ASTN2: variants seen among roughly 807,000 people sequenced by gnomAD.
The protein encoded by ASTN2 is astrotactin-2.
ASTN2 carries 54 observed loss-of-function variants against 139.8 expected under a neutral mutation model. That is an observed-to-expected ratio of 0.39 (90% confidence interval 0.31 to 0.48). ASTN2 has a LOEUF of 0.48. Among genes scored for constraint, ASTN2 ranks in the 20% least tolerant of loss-of-function variants. The pLI, the probability that ASTN2 is intolerant of heterozygous loss-of-function variation, is 0.95. For synonymous variants in ASTN2, 756 were observed against 719.5 expected (o/e 1.05, Z -0.81); for missense variants, 1,565 against 1,725.1 (o/e 0.91, Z 1.64).
chr9:116,918,129 G>A (rs1834504048), intron 10 of ASTN2, among the ~76,000 whole-genome samples: 1 of 152,150 alleles, frequency 6.6e-6, no homozygotes, highest in African/African-American at 2.4e-5. Flanking sequence ...TGCCTCCCCA[G>A]CCATGTGGAA....
chr9:117,305,396 G>A (rs1262404654), intron 1 of ASTN2, among the ~76,000 whole-genome samples: 1 of 152,162 alleles, frequency 6.6e-6, no homozygotes, highest in Admixed American at 6.5e-5. Flanking sequence ...CTGAAACCAA[G>A]AGGCTCAACA....
At chr9:116,976,236 G>A in intron 8 of ASTN2, 48 bp from the exon 9 acceptor site, 2 of 1,539,322 alleles carry the variant, frequency 1.3e-6, no homozygotes, top group Non-Finnish European at 1.8e-6. Flanking sequence ...GTCAGAGGCA[G>A]GTAGAATTCA....
At chr9:116,737,467 A>ACG (rs1491491765) in intron 13 of ASTN2, among the ~76,000 whole-genome samples, 3 of 148,154 alleles carry the variant, frequency 2.0e-5, no homozygotes, top group Non-Finnish European at 4.5e-5. Flanking sequence ...GTGTGTGTGA[A>ACG]TGTGTGTGTG....
intron 22 of ASTN2, among the ~76,000 whole-genome samples, chr9:116,431,352 G>A (rs1167912367): frequency 1.3e-5 from 2 of 152,168 alleles, no homozygotes; most frequent in South Asian, 2.1e-4. Flanking sequence ...GAAGCTTAAT[G>A]AGAATTGAGG....
At chr9:116,676,681 C>T (rs2132005404) in intron 16 of ASTN2, among the ~76,000 whole-genome samples, 1 of 152,328 alleles carries the variant, frequency 6.6e-6, no homozygotes, top group Non-Finnish European at 1.5e-5. Flanking sequence ...ATTGGCTTCT[C>T]TAGGCTCCTT....
chr9:116,520,193 A>T (rs1160927674), intron 19 of ASTN2, among the ~76,000 whole-genome samples: 2 of 152,098 alleles, frequency 1.3e-5, no homozygotes, highest in African/African-American at 2.4e-5. Flanking sequence ...GAAGCACATA[A>T]CCAAAAAAGA....
At chr9:116,560,652 T>C (rs1325992753) in intron 19 of ASTN2, among the ~76,000 whole-genome samples, 3 of 152,196 alleles carry the variant, frequency 2.0e-5, no homozygotes, top group Non-Finnish European at 4.4e-5. Context: ...GATGTGTTTG[T>C]CTCCTACTAG....
At chr9:116,689,947 G>C (rs35891915) in intron 16 of ASTN2, among the ~76,000 whole-genome samples, 1 of 152,056 alleles carries the variant, frequency 6.6e-6, no homozygotes, top group African/African-American at 2.4e-5. Context: ...CTACTGTTCT[G>C]TATGGTCTCT....
At chr9:117,397,511 C>T (rs1830707929) in intron 1 of ASTN2, among the ~76,000 whole-genome samples, 1 of 152,132 alleles carries the variant, frequency 6.6e-6, no homozygotes, top group African/African-American at 2.4e-5. Context: ...GAAACCAACA[C>T]TGGAGATCAT....
chr9:116,463,647 AG>A (rs1240408239), intron 20 of ASTN2, among the ~76,000 whole-genome samples: 3 of 152,122 alleles, frequency 2.0e-5, no homozygotes, highest in Non-Finnish European at 4.4e-5. Context: ...AACTAATGTA[AG>A]GGGTATAGTT....
At chr9:116,687,327 G>A (rs970585867) in intron 16 of ASTN2, 6 of 965,364 alleles carry the variant, frequency 6.2e-6, no homozygotes, top group Non-Finnish European at 6.2e-6. Flanking sequence ...GTGCGCAGAG[G>A]GAGGCAGGCG....
At chr9:117,237,007 A>C (rs1833064310) in intron 2 of ASTN2, among the ~76,000 whole-genome samples, 1 of 152,202 alleles carries the variant, frequency 6.6e-6, no homozygotes, top group Non-Finnish European at 1.5e-5. Context: ...TGCCAGTCTC[A>C]GATTATAAAA....
intron 19 of ASTN2, among the ~76,000 whole-genome samples, chr9:116,607,830 A>C (rs10817908): frequency 1.3e-5 from 2 of 152,040 alleles, no homozygotes; most frequent in Non-Finnish European, 2.9e-5. Context: ...GCATGGTGGC[A>C]CGCACCTGTA....
intron 7 of ASTN2, among the ~76,000 whole-genome samples, chr9:116,980,201 G>A (rs1277440851): frequency 2.0e-5 from 3 of 151,908 alleles, no homozygotes; most frequent in African/African-American, 7.3e-5. Context: ...TTACAGAATA[G>A]GGATGATAGC....
intron 6 of ASTN2, among the ~76,000 whole-genome samples, chr9:117,035,249 T>C (rs914739363): frequency 3.3e-5 from 5 of 152,158 alleles, no homozygotes; most frequent in Admixed American, 6.6e-5. Flanking sequence ...ACAGACCTCA[T>C]TGAGACTTTG....
At chr9:117,225,031 G>A (rs1200209953) in intron 2 of ASTN2, among the ~76,000 whole-genome samples, 1 of 152,104 alleles carries the variant, frequency 6.6e-6, no homozygotes, top group East Asian at 1.9e-4. Flanking sequence ...CCCTCATTAT[G>A]TATTTATTGT....
At chr9:116,633,088 G>C (rs546024604) in intron 17 of ASTN2, among the ~76,000 whole-genome samples, 2 of 152,316 alleles carry the variant, frequency 1.3e-5, no homozygotes, top group Admixed American at 1.3e-4. Context: ...TGCTTACATT[G>C]TTCTAAACTA....
intron 5 of ASTN2, among the ~76,000 whole-genome samples, chr9:117,055,594 A>G (rs1306009227): frequency 6.6e-6 from 1 of 152,228 alleles, no homozygotes; most frequent in Non-Finnish European, 1.5e-5. Flanking sequence ...GGCAATCTAT[A>G]AGAATATCAG....
At chr9:116,792,857 C>T (rs1830593773) in intron 13 of ASTN2, among the ~76,000 whole-genome samples, 1 of 152,072 alleles carries the variant, frequency 6.6e-6, no homozygotes, top group African/African-American at 2.4e-5. Context: ...TTCCATCTAG[C>T]ATTTAAGTTC....
Sources: gnomAD v4.1 joint callset for allele counts (sites outside exome capture counted in the v4.1 genomes callset) on GRCh38, gnomAD v4.1.1 for gene constraint, MANE v1.5 for transcripts, NCBI Gene and HGNC (gene_info 2026-07-23, HGNC 2026-07-21) for gene names.